WDR81: variants seen among roughly 807,000 people sequenced by gnomAD.
The protein encoded by WDR81 is WD repeat-containing protein 81.
A neutral mutation model predicts 140.8 loss-of-function variants in WDR81; 92 were observed. The ratio of observed to expected loss-of-function variants is 0.65; its 90% confidence interval spans 0.55 to 0.78. WDR81 has a LOEUF of 0.78. Ranked by LOEUF, WDR81 falls within the 30% of genes least tolerant of loss-of-function variation. The pLI is 0.00. For synonymous variants in WDR81, 1,183 were observed against 1,156.4 expected, an observed-to-expected ratio of 1.02 and a Z score of -0.47; for missense variants, 2,502 against 2,636.4, an observed-to-expected ratio of 0.95 and a Z score of 1.12.
At position 1,725,909 on chromosome 17, in the gene WDR81, C is replaced by A. The variant is rs778722285; in HGVS notation, c.950C>A (p.Ala317Asp). 8.4e-6 allele frequency: 13 copies of A among 1,550,820 alleles called. No homozygotes were observed. In the South Asian group the frequency reaches 1.2e-4, roughly 14 times the overall value. The stretch of plus-strand genomic sequence containing the variant: ...CCCGAGGAGGACGAGAATGAGGAGG[C>A]CCCTGTGGCAAGGGATGAGGCGGGC... ...ERPEEDENEE[A>D]PVARDEAGIV... The change falls in exon 1 of 10, where the codon GCC (alanine) becomes GAC (aspartate). Residue 317 changes from alanine (A) to aspartate (D), a missense_variant. Coordinates refer to ENST00000409644, the MANE Select transcript of WDR81 (RefSeq NM_001163809.2).
intron 4 of WDR81, among the ~76,000 whole-genome samples, chr17:1,731,787 C>T (rs1330622086): frequency 6.6e-6 from 1 of 151,630 alleles, no homozygotes; most frequent in Non-Finnish European, 1.5e-5. Context: ...CCTGCAATCC[C>T]AGGTTCTCGG....
chr17:1,722,486 A>G (rs1240289277), upstream of WDR81, among the ~76,000 whole-genome samples: 4 of 150,722 alleles, frequency 2.7e-5, no homozygotes, highest in Non-Finnish European at 5.9e-5. Flanking sequence ...AGCTGGAATT[A>G]GAGGCGTCCG....
Position 1,728,582 on chromosome 17 carries a change from C to T in WDR81, c.3623C>T (p.Ala1208Val), listed in dbSNP as rs1377028828. 2 of 1,502,052 alleles carry T rather than the reference C, an allele frequency of 1.3e-6. No homozygotes were observed. Among genetic ancestry groups the T allele is most frequent in the Non-Finnish European group, 1.8e-6 (2 of 1,117,914 alleles). The allele number at this position is 1,502,052 out of a possible 1,614,324, so 93.0% of individuals were successfully genotyped here. Residue 1208 changes from alanine (A) to valine (V), a missense_variant, in exon 1 of 10, where the codon GCA becomes GTA. Transcript: ENST00000409644. ...SGGDGEEEEE[A>V]LPEQSEGKEQ... The stretch of plus-strand genomic sequence containing the variant: ...GGAGATGGAGAAGAAGAGGAGGAGG[C>T]ACTGCCTGAGCAGTCAGAAGGCAAA...
chr17:1,728,457 G>C lies in WDR81; in HGVS notation c.3498G>C (p.Glu1166Asp). ...EEEEDSCVVL[E>D]EEEGEQEEVT... ...AGGAGGACAGCTGCGTGGTGCTAGA[G>C]GAGGAGGAGGGGGAGCAGGAGGAGG... The change falls in exon 1 of 10, where the codon GAG becomes GAC. Residue 1166 changes from glutamate (E) to aspartate (D), a missense_variant. Coordinates refer to ENST00000409644, the MANE Select transcript of WDR81 (RefSeq NM_001163809.2). 6.2e-7 allele frequency: 1 copy of C among 1,604,364 alleles called. No individual in the cohort carries two copies. Among genetic ancestry groups the C allele is most frequent in the Non-Finnish European group, 8.5e-7 (1 of 1,173,908 alleles).
rs3809872 is a variant in WDR81 at position 1,734,008 on chromosome 17, A to G, written c.4971A>G (p.Leu1657=). ...HSGAVKCVAP[L]SSEDFFLSGS... is the part of the protein sequence containing the mutation. ...GGGCCGTCAAGTGCGTGGCACCCCT[A>G]AGCAGCGAGGACTTCTTCCTGAGCG... The change falls in exon 7 of 10, where the codon CTA becomes CTG. Residue 1657 remains leucine, a synonymous_variant. Coordinates refer to ENST00000409644, the MANE Select transcript of WDR81 (RefSeq NM_001163809.2). The G allele has an allele frequency of 0.74, 1,197,110 of 1,612,492 alleles. 445,265 individuals carry two copies. Among genetic ancestry groups the G allele is most frequent in the East Asian group, 0.91 (41,032 of 44,874 alleles).
At position 1,732,658 on chromosome 17, in the gene WDR81, G is replaced by T; in HGVS notation, c.4324-8G>T. 6.3e-7 allele frequency: 1 copy of T among 1,597,294 alleles called. No individual in the cohort carries two copies. The highest frequency in any genetic ancestry group is 8.5e-7 in the Non-Finnish European group (1 of 1,170,796). On this transcript the variant is annotated splice_polypyrimidine_tract_variant and splice_region_variant and intron_variant, in intron 5 of 9. Transcript: ENST00000409644. ...ACCCGGCTGACCCCCTGGGTGTCTTGCTCATAGGATCTGAAGCTGGACCCT... is the reference window on the plus strand; with the variant it reads ...ACCCGGCTGACCCCCTGGGTGTCTTTCTCATAGGATCTGAAGCTGGACCCT...
Position 1,726,661 on chromosome 17 carries a change from C to T in WDR81, c.1702C>T (p.Leu568=). Residue 568 remains leucine, a synonymous_variant, in exon 1 of 10, where the codon CTG becomes TTG. Coordinates refer to ENST00000409644, the MANE Select transcript of WDR81 (RefSeq NM_001163809.2). ...CAAGGAAAAGAATGTGTGTCTGCACCTGGTGGACGCCCACACTCACCTGGC... is the reference window on the plus strand; with the variant it reads ...CAAGGAAAAGAATGTGTGTCTGCACTTGGTGGACGCCCACACTCACCTGGC... ...AVKEKNVCLH[L]VDAHTHLASY... is the part of the protein sequence containing the mutation. 1.3e-6 allele frequency: 2 copies of T among 1,550,196 alleles called. No individual in the cohort carries two copies. Among genetic ancestry groups the T allele is most frequent in the Non-Finnish European group, 1.7e-6 (2 of 1,146,970 alleles).
intron 1 of WDR81, among the ~76,000 whole-genome samples, chr17:1,718,768 C>T (rs1198094095): frequency 6.6e-6 from 1 of 152,342 alleles, no homozygotes; most frequent in East Asian, 1.9e-4. Flanking sequence ...CCCCTATTCT[C>T]CATTATCCTG....
At position 1,735,697 on chromosome 17, in the gene WDR81, T is replaced by G; in HGVS notation, c.5305T>G (p.Cys1769Gly). 1 of 1,612,738 alleles carries G rather than the reference T, an allele frequency of 6.2e-7. No individual in the cohort carries two copies. Among genetic ancestry groups the G allele is most frequent in the South Asian group, 1.1e-5 (1 of 91,074 alleles). Residue 1769 changes from cysteine (C) to glycine (G), a missense_variant, in exon 8 of 10, where the codon TGC (cysteine) becomes GGC (glycine). By Grantham distance (159) the Cys-to-Gly change is radical. This residue lies in a region of WDR81 where 1,737 missense variants were observed against 1,843.0 expected (regional missense o/e 0.94). Transcript: ENST00000409644. The surrounding 1 kb of genome is among the most constrained non-coding windows in gnomAD (Gnocchi z 4.2). ...TGACTCTACCCTGCGCTTTGTGGAC[T>G]GCAGGAAGCCTGGTCTGCAGGTCAG... ...SSDSTLRFVD[C>G]RKPGLQHEFR...
Position 1,727,642 on chromosome 17 carries a change from G to A in WDR81, c.2683G>A (p.Glu895Lys), listed in dbSNP as rs1350909497. 1.1e-5 allele frequency: 17 copies of A among 1,550,412 alleles called. No homozygotes were observed. The highest frequency in any genetic ancestry group is 5.9e-5 in the Admixed American group (3 of 50,986). Reference sequence around the variant, plus strand: ...GTACCAGGCAAGGCGTGTGGAGGACGAGGCCCAGGGGCGCGAGCTGGTGTT... The same window carrying A: ...GTACCAGGCAAGGCGTGTGGAGGACAAGGCCCAGGGGCGCGAGCTGGTGTT... ...LLYQARRVEDEAQGRELVFAL... is the reference protein window; with the variant it reads ...LLYQARRVEDKAQGRELVFAL... The change falls in exon 1 of 10, where the codon GAG becomes AAG. Residue 895 changes from glutamate to lysine, a missense_variant. Physicochemically the swap from Glu to Lys is moderately conservative, Grantham distance 56. Around this residue, in one of 3 missense-constraint regions of WDR81, gnomAD observed 1,737 missense variants for 1,843.0 expected, o/e 0.94. Coordinates refer to ENST00000409644, the MANE Select transcript of WDR81 (RefSeq NM_001163809.2).
In WDR81 at chr17:1,728,553, TG is replaced by T; in HGVS notation, c.3599del (p.Gly1200GlufsTer54). On this transcript the variant is annotated frameshift_variant, in exon 1 of 10. Transcript: ENST00000409644. LOFTEE classifies it high-confidence loss of function. Reference sequence around the variant, plus strand: ...TGGAGACGGTTGTGGCCGGCGGCAGTGGGGGAGATGGAGAAGAAGAGGAGGA... The same window carrying T: ...TGGAGACGGTTGTGGCCGGCGGCAGTGGGGAGATGGAGAAGAAGAGGAGGA... ...SMETVVAGGS[G>X]GDGEEEEEAL... 1 of 1,526,250 alleles carries T rather than the reference TG, an allele frequency of 6.6e-7. No individual in the cohort carries two copies. The highest frequency in any genetic ancestry group is 8.8e-7 in the Non-Finnish European group (1 of 1,130,494). 94.5% of individuals were successfully genotyped at this position (1,526,250 alleles called of 1,614,324 possible). A position where few individuals can be genotyped will look rare whatever the true frequency, so the allele number is the denominator to read the frequency against.
Position 1,727,695 on chromosome 17 carries a change from G to C in WDR81, c.2736G>C (p.Val912=). The change falls in exon 1 of 10, where the codon GTG becomes GTC. Residue 912 remains valine (V), a synonymous_variant. Transcript: ENST00000409644. ...CTCTGTGGCAGCAGCTGGGCGCGGT[G>C]CTGAAGGACATCACCCCTGAGGGCC... is the stretch of plus-strand genomic sequence containing the variant. ...VFALWQQLGA[V]LKDITPEGLE... is the part of the protein sequence containing the mutation. 1 of 1,550,500 alleles carries C rather than the reference G, an allele frequency of 6.4e-7. No homozygotes were observed. The highest frequency in any genetic ancestry group is 8.7e-7 in the Non-Finnish European group (1 of 1,147,004).
Position 1,731,777 on chromosome 17 carries a change from CCTGCAATCCCAGGTTCTCGGGAGG to C in WDR81, c.4158-529_4158-506del, listed in dbSNP as rs1213058256. Among the ~76,000 whole-genome samples the C allele has an allele frequency of 3.8e-4, 58 of 151,648 alleles. 1 individual carries two copies. The highest frequency in any genetic ancestry group is 1.7e-3 in the South Asian group (8 of 4,786). On this transcript the variant is annotated intron_variant, in intron 4 of 9. Transcript: ENST00000409644. ...TCTTCGCTGGGCATGGCAGCAGGTGCCTGCAATCCCAGGTTCTCGGGAGGCTGCAATCCCAGGTTCTCAGGAGGC... is the reference window on the plus strand; with the variant it reads ...TCTTCGCTGGGCATGGCAGCAGGTGCCTGCAATCCCAGGTTCTCAGGAGGC...
At chr17:1,730,097 C>T (rs780769822) in intron 1 of WDR81, among the ~76,000 whole-genome samples, 3 of 152,158 alleles carry the variant, frequency 2.0e-5, no homozygotes, top group Admixed American at 6.5e-5. Context: ...TGGCCAGGGC[C>T]GGGCCAGGCC....
intron 2 of WDR81, 83 bp from the exon 3 acceptor site, chr17:1,730,672 C>T: frequency 6.7e-7 from 1 of 1,489,414 alleles, no homozygotes; most frequent in Non-Finnish European, 9.0e-7. Flanking sequence ...AGAGTGAGCT[C>T]AAGCGGCCAG....
chr17:1,717,111 C>A, intron 1 of WDR81: 1 of 171,690 alleles, frequency 5.8e-6, no homozygotes, highest in Non-Finnish European at 1.3e-5. Flanking sequence ...TCAGCAATCG[C>A]ATCCTCTGAT....
rs765270998 is a variant in WDR81 at position 1,727,098 on chromosome 17, G to A, written c.2139G>A (p.Glu713=). Residue 713 remains glutamate (E), a synonymous_variant, in exon 1 of 10, where the codon GAG becomes GAA. Transcript: ENST00000409644. ...AAGCTGCTGGGGCAGACCCTGGGGAGGGTGAGGAGGGGAGGATTCTTCTTC... is the reference window on the plus strand; with the variant it reads ...AAGCTGCTGGGGCAGACCCTGGGGAAGGTGAGGAGGGGAGGATTCTTCTTC... ...RNKAAGADPG[E]GEEGRILLPE... The A allele has an allele frequency of 6.5e-7, 1 of 1,548,028 alleles. No homozygotes were observed. Among genetic ancestry groups the A allele is most frequent in the Non-Finnish European group, 8.7e-7 (1 of 1,145,402 alleles).
chr17:1,727,427 A>G lies in WDR81; in HGVS notation c.2468A>G (p.Asp823Gly). Residue 823 changes from aspartate to glycine, a missense_variant, in exon 1 of 10, where the codon GAC becomes GGC. By Grantham distance (94) the Asp-to-Gly change is moderately conservative. This residue lies in a region of WDR81 where 1,737 missense variants were observed against 1,843.0 expected (regional missense o/e 0.94). Coordinates refer to ENST00000409644, the MANE Select transcript of WDR81 (RefSeq NM_001163809.2). ...CCTGTGTCTTTGCAGCCCGTGCTGG[A>G]CACACTCCTGCAGATGAGTGGCCCC... The part of the protein sequence containing the change: ...EVPVSLQPVL[D>G]TLLQMSGPEV... 1 of 1,550,356 alleles carries G rather than the reference A, an allele frequency of 6.5e-7. No individual in the cohort carries two copies. Among genetic ancestry groups the G allele is most frequent in the East Asian group, 2.4e-5 (1 of 40,924 alleles).
At chr17:1,717,513 T>C in intron 1 of WDR81, among the ~76,000 whole-genome samples, 1 of 152,162 alleles carries the variant, frequency 6.6e-6, no homozygotes, top group East Asian at 1.9e-4. Context: ...AAGGTTCACT[T>C]GGAGCTCCAA....
Sources: gnomAD v4.1 joint callset for allele counts (sites outside exome capture counted in the v4.1 genomes callset) on GRCh38, gnomAD v4.1.1 for gene constraint, gnomAD v4.1.1 regional missense constraint, Gnocchi (gnomAD v3.1) non-coding constraint, MANE v1.5 for transcripts, NCBI Gene and HGNC (gene_info 2026-07-23, HGNC 2026-07-21) for gene names.